PRUNE2: variants seen among roughly 807,000 people sequenced by gnomAD.
PRUNE2 encodes protein prune homolog 2.
PRUNE2 carries 164 observed loss-of-function variants against 252.0 expected under a neutral mutation model. That is an observed-to-expected ratio of 0.65 (90% CI 0.57 to 0.74). The LOEUF (loss-of-function observed/expected upper bound fraction) is 0.74. Among genes scored for constraint, PRUNE2 ranks in the 30% least tolerant of loss-of-function variants. PRUNE2 has a pLI of 0.00. For synonymous variants in PRUNE2, 1,292 were observed against 1,350.2 expected (o/e 0.96, Z 0.94); for missense variants, 3,495 against 3,711.0 (o/e 0.94, Z 1.51).
chr9:76,667,637 A>G (rs2133824923), intron 9 of PRUNE2, among the ~76,000 whole-genome samples: 1 of 152,362 alleles, frequency 6.6e-6, no homozygotes, highest in East Asian at 1.9e-4. Flanking sequence ...ACAAGCTGGC[A>G]CCAGAAATAT....
rs754822663 is a variant in PRUNE2, at chr9:76,710,797, G to C, written c.1477C>G (p.Leu493Val). The change falls in exon 8 of 19, where the codon CTC (leucine) becomes GTC (valine). Residue 493 changes from leucine to valine, a missense_variant. Physicochemically the swap from Leu to Val is conservative, Grantham distance 32 (BLOSUM62 1). Transcript: ENST00000376718. Reference protein sequence around the residue: ...WSGEHGEHFDLFNFDPAPMAS... With the variant: ...WSGEHGEHFDVFNFDPAPMAS... ...ATGGGTGCTGGGTCAAAATTGAAGA[G>C]GTCGAAGTGCTCACCGTGTTCTCCA... 6.3e-7 allele frequency: 1 copy of C among 1,582,872 alleles called. No individual in the cohort carries two copies. The highest frequency in any genetic ancestry group is 1.3e-5 in the African/African-American group (1 of 74,080).
intron 6 of PRUNE2, among the ~76,000 whole-genome samples, chr9:76,763,483 CAT>C (rs1178380910): frequency 2.0e-5 from 3 of 152,204 alleles, no homozygotes; most frequent in Admixed American, 1.3e-4. Context: ...CTGGAGAAAA[CAT>C]ACTCGTAATA....
At chr9:76,905,610 C>G (rs1357478410) in intron 1 of PRUNE2, among the ~76,000 whole-genome samples, 2 of 152,092 alleles carry the variant, frequency 1.3e-5, no homozygotes, top group Non-Finnish European at 2.9e-5. Flanking sequence ...CAAGGAAGAC[C>G]ACACCCATTT....
intron 6 of PRUNE2, among the ~76,000 whole-genome samples, chr9:76,791,854 G>A (rs1040013161): frequency 6.6e-6 from 1 of 152,166 alleles, no homozygotes; most frequent in Non-Finnish European, 1.5e-5. Context: ...GAAAGAATCC[G>A]AAAGGAAAGC....
rs115466359 is a variant in PRUNE2, at chr9:76,618,475, C to T, written c.9236+865G>A. Among the ~76,000 whole-genome samples, 626 of 152,296 alleles carry T rather than the reference C, an allele frequency of 4.1e-3. 8 individuals are homozygous for T. The highest frequency in any genetic ancestry group is 0.014 in the African/African-American group (594 of 41,550). ...TCAAACCAAATTGGAAGCTCCTTGT[C>T]GGATGACCAAGTTCTCTCTGAAAGC... On this transcript the variant is annotated intron_variant, in intron 18 of 18. Transcript: ENST00000376718.
At chr9:76,621,859 T>A (rs538682846) in intron 17 of PRUNE2, among the ~76,000 whole-genome samples, 35 of 152,000 alleles carry the variant, frequency 2.3e-4, no homozygotes, top group South Asian at 4.2e-4. Context: ...TTAAAAAAAT[T>A]TTTTTTTGTA....
At chr9:76,830,717 A>G (rs10869832) in intron 4 of PRUNE2, among the ~76,000 whole-genome samples, 79,784 of 151,428 alleles carry the variant, frequency 0.53, 21,511 homozygotes, top group African/African-American at 0.64. Flanking sequence ...GGATAAAGAC[A>G]AAGACAAACA....
At chr9:76,801,993 T>A (rs2056590642) in intron 6 of PRUNE2, among the ~76,000 whole-genome samples, 1 of 152,166 alleles carries the variant, frequency 6.6e-6, no homozygotes, top group Admixed American at 6.5e-5. Context: ...TATATTAAAC[T>A]CTGTGGGGTA....
chr9:76,886,702 G>T (rs1258161449), intron 1 of PRUNE2, among the ~76,000 whole-genome samples: 2 of 152,178 alleles, frequency 1.3e-5, no homozygotes, highest in African/African-American at 4.8e-5. Flanking sequence ...AATGACTGAA[G>T]CGGGTGAACA....
intron 1 of PRUNE2, among the ~76,000 whole-genome samples, chr9:76,890,918 A>G (rs1466159549): frequency 2.6e-5 from 4 of 152,242 alleles, no homozygotes; most frequent in Admixed American, 2.0e-4. Context: ...TGAATTAATC[A>G]AATGCTTAAG....
chr9:76,886,487 T>C (rs967503787), intron 1 of PRUNE2, among the ~76,000 whole-genome samples: 5 of 152,284 alleles, frequency 3.3e-5, no homozygotes, highest in Admixed American at 2.6e-4. Context: ...CTGCATAGCT[T>C]TACCCATTTC....
At chr9:76,787,069 A>G (rs1025615902) in intron 6 of PRUNE2, 2 of 152,202 alleles carry the variant, frequency 1.3e-5, no homozygotes, top group South Asian at 4.1e-4. Flanking sequence ...AGAATTTGCT[A>G]CATTTGAGAA....
rs1484214876 is a variant in PRUNE2, at chr9:76,731,312, A to ATC, written c.757-17592_757-17591insGA. Among the ~76,000 whole-genome samples, 491 of 104,088 alleles carry ATC rather than the reference A, an allele frequency of 4.7e-3. 5 individuals are homozygous for ATC. Among genetic ancestry groups the ATC allele is most frequent in the Middle Eastern group, 8.8e-3 (2 of 228 alleles). 68.3% of individuals were successfully genotyped at this position (104,088 alleles called of 152,430 possible). A position where few individuals can be genotyped will look rare whatever the true frequency, so the allele number is the denominator to read the frequency against. On this transcript the variant is annotated intron_variant, in intron 6 of 18. Coordinates refer to ENST00000376718, the MANE Select transcript of PRUNE2 (RefSeq NM_015225.3). ...TATCTATCTATCTATCTATCTATCT[A>ATC]TATATATATATATTTTTTTTTTTTT... is the stretch of plus-strand genomic sequence containing the variant.
chr9:76,823,643 T>C lies in PRUNE2; in HGVS notation c.745A>G (p.Met249Val), dbSNP rs745666874. 1.9e-6 allele frequency: 3 copies of C among 1,602,806 alleles called. No homozygotes were observed. Among genetic ancestry groups the C allele is most frequent in the South Asian group, 2.2e-5 (2 of 90,878 alleles). ...EIKVAISTVS[M>V]NLENCLFHSN... is the part of the protein sequence containing the mutation. ...ATTCCCACCCTTACCTCAAGGTTCA[T>C]GCTCACAGTACTAATGGCCACTTTT... Residue 249 changes from methionine (M) to valine (V), a missense_variant, in exon 6 of 19, where the codon ATG (methionine) becomes GTG (valine). By Grantham distance (21) the Met-to-Val change is conservative. Coordinates refer to ENST00000376718, the MANE Select transcript of PRUNE2 (RefSeq NM_015225.3).
chr9:76,837,842 G>A (rs1433937623), intron 4 of PRUNE2, among the ~76,000 whole-genome samples: 1 of 150,772 alleles, frequency 6.6e-6, no homozygotes, highest in South Asian at 2.1e-4. Context: ...CGCAATCTCG[G>A]CTCACTGCAA....
intron 4 of PRUNE2, among the ~76,000 whole-genome samples, chr9:76,841,255 C>T (rs978905074): frequency 6.6e-6 from 1 of 152,168 alleles, no homozygotes; most frequent in Non-Finnish European, 1.5e-5. Context: ...CCATGAGGGA[C>T]CATGCCATGA....
intron 6 of PRUNE2, among the ~76,000 whole-genome samples, chr9:76,718,395 C>T (rs568538975): frequency 1.8e-4 from 28 of 152,144 alleles, no homozygotes; most frequent in African/African-American, 2.9e-4. Flanking sequence ...GATCTGGCTC[C>T]GTCATTTCAC....
At chr9:76,686,170 CA>C (rs1397706646) in intron 9 of PRUNE2, among the ~76,000 whole-genome samples, 1 of 152,188 alleles carries the variant, frequency 6.6e-6, no homozygotes, top group Non-Finnish European at 1.5e-5. Flanking sequence ...TAAATGTAAA[CA>C]GATATTCAGG....
chr9:76,751,703 C>A (rs1018395053), intron 6 of PRUNE2, among the ~76,000 whole-genome samples: 2 of 152,170 alleles, frequency 1.3e-5, no homozygotes, highest in African/African-American at 4.8e-5. Context: ...CTACTAGAAA[C>A]TCTTACTGAT....
Sources: allele counts gnomAD v4.1 joint callset (sites outside exome capture counted in the v4.1 genomes callset), GRCh38; gene constraint gnomAD v4.1.1; transcripts MANE v1.5; gene names NCBI Gene and HGNC (gene_info 2026-07-23, HGNC 2026-07-21).